LRCH1: variants seen among roughly 807,000 people sequenced by gnomAD.
LRCH1 encodes leucine-rich repeat and calponin homology domain-containing protein 1.
LRCH1 carries 23 observed loss-of-function variants against 94.9 expected under a neutral mutation model. The observed-to-expected ratio is 0.24, with a 90% confidence interval of 0.17 to 0.34. The LOEUF is 0.34. LRCH1 is among the 10% of genes least tolerant of loss of function. LRCH1 has a pLI of 1.00. For synonymous variants in LRCH1, 364 were observed against 354.9 expected (o/e 1.03, Z -0.29); for missense variants, 790 against 945.9 (o/e 0.84, Z 2.16).
At chr13:46,582,492 T>G (rs201438298) in intron 1 of LRCH1, among the ~76,000 whole-genome samples, 1 of 125,274 alleles carries the variant, frequency 8.0e-6, no homozygotes. Flanking sequence ...ACATATTGTT[T>G]TTTTTTTTTG....
In LRCH1 at chr13:46,692,628, T is replaced by C; in HGVS notation, c.1107T>C (p.Leu369=). The change falls in exon 8 of 20, where the codon CTT becomes CTC. Residue 369 remains leucine, a synonymous_variant. Transcript: ENST00000389797. The stretch of plus-strand genomic sequence containing the variant: ...TCAAGGAGGACTCGTGCCATCGCCT[T>C]AGCCCCGTTAAAGGTCTGAGAATAA... The part of the protein sequence containing the change: ...QIIKEDSCHR[L]SPVKGEFHQE... 1 of 1,613,582 alleles carries C rather than the reference T, an allele frequency of 6.2e-7. No individual in the cohort carries two copies. The highest frequency in any genetic ancestry group is 8.5e-7 in the Non-Finnish European group (1 of 1,179,668).
intron 2 of LRCH1, among the ~76,000 whole-genome samples, chr13:46,665,718 G>A (rs8001925): frequency 0.64 from 96,869 of 151,976 alleles, 31,339 homozygotes; most frequent in Middle Eastern, 0.72. Flanking sequence ...GTAGCTTGTC[G>A]GATACAATAT....
At chr13:46,701,056 A>C (rs1871442183) in intron 10 of LRCH1, 65 bp from the exon 11 acceptor site, 1 of 995,328 alleles carries the variant, frequency 1.0e-6, no homozygotes, top group African/African-American at 1.6e-5. Flanking sequence ...TTGCTTTTTA[A>C]GAAATTAGAT....
chr13:46,733,633 A>C (rs1019770024), intron 18 of LRCH1, among the ~76,000 whole-genome samples: 36 of 152,206 alleles, frequency 2.4e-4, no homozygotes, highest in African/African-American at 8.2e-4. Flanking sequence ...GTGTATATAC[A>C]TGATATACAA....
intron 1 of LRCH1, among the ~76,000 whole-genome samples, chr13:46,639,375 C>G (rs141518528): frequency 6.6e-6 from 1 of 152,192 alleles, no homozygotes; most frequent in Non-Finnish European, 1.5e-5. Flanking sequence ...TCCGAAATTA[C>G]TCACCTTGTA....
At chr13:46,685,164 A>G (rs1222901211) in intron 4 of LRCH1, among the ~76,000 whole-genome samples, 1 of 152,036 alleles carries the variant, frequency 6.6e-6, no homozygotes, top group East Asian at 1.9e-4. Context: ...ATCACCCTAG[A>G]TGTCTGGCGT....
chr13:46,697,493 G>A (rs184327355), intron 9 of LRCH1, among the ~76,000 whole-genome samples: 10 of 152,262 alleles, frequency 6.6e-5, no homozygotes, highest in Admixed American at 2.0e-4. Flanking sequence ...TTGGGCTTCT[G>A]AACACAAGGC....
chr13:46,571,940 C>T (rs2050245766), intron 1 of LRCH1, among the ~76,000 whole-genome samples: 1 of 151,850 alleles, frequency 6.6e-6, no homozygotes, highest in African/African-American at 2.4e-5. Flanking sequence ...GACAGGCAGG[C>T]AGTGGCTGTT....
intron 2 of LRCH1, among the ~76,000 whole-genome samples, 156 bp from the exon 3 acceptor site, chr13:46,668,874 C>G (rs1038615389): frequency 1.3e-5 from 2 of 151,612 alleles, no homozygotes; most frequent in African/African-American, 4.8e-5. Context: ...ACATACTTGT[C>G]ATTTGAGTTG....
intron 1 of LRCH1, among the ~76,000 whole-genome samples, chr13:46,628,357 A>G (rs938495830): frequency 6.6e-6 from 1 of 152,002 alleles, no homozygotes; most frequent in African/African-American, 2.4e-5. Context: ...CACAAGGCCA[A>G]CCGGGCATGG....
chr13:46,670,430 C>T (rs2051582875), intron 3 of LRCH1, among the ~76,000 whole-genome samples: 1 of 152,136 alleles, frequency 6.6e-6, no homozygotes, highest in African/African-American at 2.4e-5. Context: ...GCAGAGGTTG[C>T]CCAAGTTTAA....
intron 16 of LRCH1, 54 bp downstream of exon 16, chr13:46,715,718 T>C (rs1872287838): frequency 9.8e-7 from 1 of 1,015,712 alleles, no homozygotes; most frequent in South Asian, 1.4e-5. Flanking sequence ...CCAATGCGTA[T>C]ACTGAACATT....
chr13:46,650,250 T>C lies in LRCH1; in HGVS notation c.357T>C (p.Phe119=). The C allele has an allele frequency of 6.2e-7, 1 of 1,612,938 alleles. No homozygotes were observed. The highest frequency in any genetic ancestry group is 2.2e-5 in the East Asian group (1 of 44,792). ...AAGTTCCAATGGAATTGTGCCATTT[T>C]GTATCACTGGAAATTCTTAATCTGT... ...LVEVPMELCH[F]VSLEILNLYH... The change falls in exon 2 of 20, where the codon TTT becomes TTC. Residue 119 remains phenylalanine (F), a synonymous_variant. Transcript: ENST00000389797.
intron 1 of LRCH1, among the ~76,000 whole-genome samples, chr13:46,649,956 G>T (rs1163357977): frequency 6.6e-6 from 1 of 152,034 alleles, no homozygotes; most frequent in Non-Finnish European, 1.5e-5. Flanking sequence ...ACAGTAAAAA[G>T]TTCTTTAGAG....
Position 46,553,401 on chromosome 13 carries a change from C to A in LRCH1, c.5C>A (p.Ala2Glu). The A allele has an allele frequency of 2.6e-6, 4 of 1,536,364 alleles. No homozygotes were observed. The highest frequency in any genetic ancestry group is 3.5e-6 in the Non-Finnish European group (4 of 1,144,226). MATPGSEPQPFV... is the reference protein window; with the variant it reads METPGSEPQPFV... ...GGTGGGGGGGCCCGGGAGAAGATGG[C>A]GACGCCGGGAAGCGAACCCCAACCT... is the stretch of plus-strand genomic sequence containing the variant. The change falls in exon 1 of 20, where the codon GCG becomes GAG. Residue 2 changes from alanine to glutamate, a missense_variant. Ala to Glu is a moderately radical substitution (Grantham distance 107, BLOSUM62 -1). This residue lies in a region of LRCH1 where 136 missense variants were observed against 143.5 expected (regional missense o/e 0.95). Transcript: ENST00000389797.
At chr13:46,605,566 TTTC>T (rs767479773) in intron 1 of LRCH1, among the ~76,000 whole-genome samples, 1 of 152,142 alleles carries the variant, frequency 6.6e-6, no homozygotes, top group Non-Finnish European at 1.5e-5. Context: ...CCACCTCATT[TTTC>T]TTCTTCTTTT....
At chr13:46,598,310 G>A (rs988403757) in intron 1 of LRCH1, among the ~76,000 whole-genome samples, 1 of 151,848 alleles carries the variant, frequency 6.6e-6, no homozygotes, top group African/African-American at 2.4e-5. Context: ...CCCTGGGGCA[G>A]TTTTGTCTGG....
At chr13:46,665,810 G>A (rs2051507214) in intron 2 of LRCH1, among the ~76,000 whole-genome samples, 1 of 152,168 alleles carries the variant, frequency 6.6e-6, no homozygotes, top group South Asian at 2.1e-4. Context: ...TAGGATAGTG[G>A]ATTGTGGCCT....
intron 1 of LRCH1, among the ~76,000 whole-genome samples, chr13:46,566,820 T>C (rs553933133): frequency 2.9e-4 from 44 of 152,316 alleles, no homozygotes; most frequent in African/African-American, 9.9e-4. Context: ...TCCTGACTAA[T>C]GTGATTTCCC....
Sources: allele counts gnomAD v4.1 joint callset (sites outside exome capture counted in the v4.1 genomes callset), GRCh38; gene constraint gnomAD v4.1.1; regional missense constraint gnomAD v4.1.1; transcripts MANE v1.5; gene names NCBI Gene and HGNC (gene_info 2026-07-23, HGNC 2026-07-21).